Variants in ZNF365 observed in about 807,000 individuals in gnomAD.
ZNF365 encodes protein ZNF365.
A neutral mutation model predicts 35.0 loss-of-function variants in ZNF365; 22 were observed. The ratio of observed to expected loss-of-function variants is 0.63; its 90% CI spans 0.45 to 0.90. ZNF365 has a LOEUF of 0.90. Among genes scored for constraint, ZNF365 ranks in the 40% least tolerant of loss-of-function variants. The pLI is 0.00. For missense variants in ZNF365, 448 were observed against 500.3 expected (o/e 0.90, Z 1.00); for synonymous variants, 188 against 196.2 (o/e 0.96, Z 0.35).
At chr10:62,410,903 A>G (rs965249236) in intron 3 of ZNF365, among the ~76,000 whole-genome samples, 2 of 152,184 alleles carry the variant, frequency 1.3e-5, no homozygotes, top group African/African-American at 4.8e-5. Flanking sequence ...ACGGTGTAAA[A>G]GTGTTCCATT....
At chr10:62,378,683 C>A (rs2132408190) in intron 2 of ZNF365, among the ~76,000 whole-genome samples, 1 of 152,332 alleles carries the variant, frequency 6.6e-6, no homozygotes, top group East Asian at 1.9e-4. Flanking sequence ...TCCTTCCAGA[C>A]CTTTCCTGTG....
At chr10:62,477,454 G>C (rs959926482) in intron 4 of ZNF365, among the ~76,000 whole-genome samples, 1 of 152,082 alleles carries the variant, frequency 6.6e-6, no homozygotes, top group African/African-American at 2.4e-5. Flanking sequence ...TGTCACTGAG[G>C]GTTTAGTGCT....
At chr10:62,418,014 A>C (rs1840101606) in intron 3 of ZNF365, among the ~76,000 whole-genome samples, 1 of 152,066 alleles carries the variant, frequency 6.6e-6, no homozygotes, top group African/African-American at 2.4e-5. Flanking sequence ...ACCTTGTTTT[A>C]TGATTTTCAT....
chr10:62,442,692 G>T (rs10995157), intron 3 of ZNF365, among the ~76,000 whole-genome samples: 57,148 of 152,068 alleles, frequency 0.38, 13,219 homozygotes, highest in East Asian at 0.59. Context: ...CCTCCACATA[G>T]GCTATGGTGG....
At chr10:62,377,323 C>T (rs112463831) in intron 2 of ZNF365, among the ~76,000 whole-genome samples, 139 of 152,230 alleles carry the variant, frequency 9.1e-4, no homozygotes, top group African/African-American at 3.0e-3. Context: ...TGACAGTCTC[C>T]GTATTATAAA....
chr10:62,454,686 A>G (rs903167464), intron 3 of ZNF365, among the ~76,000 whole-genome samples: 1 of 151,654 alleles, frequency 6.6e-6, no homozygotes, highest in African/African-American at 2.4e-5. Context: ...TGCAGTGAAC[A>G]TTTACTATCT....
chr10:62,440,804 T>A (rs900168174), intron 3 of ZNF365, among the ~76,000 whole-genome samples: 20 of 152,306 alleles, frequency 1.3e-4, no homozygotes, highest in Middle Eastern at 3.4e-3. Context: ...CACTTGTGAT[T>A]TACTCACTTG....
intron 4 of ZNF365, among the ~76,000 whole-genome samples, chr10:62,475,536 T>G (rs1420860007): frequency 1.3e-5 from 2 of 152,234 alleles, no homozygotes; most frequent in Admixed American, 1.3e-4. Flanking sequence ...CATGCTACCT[T>G]GAAAGCAAAT....
chr10:62,375,830 G>A (rs1839314007), intron 1 of ZNF365: 1 of 215,640 alleles, frequency 4.6e-6, no homozygotes, highest in Admixed American at 5.2e-5. Context: ...CTTCTGTGGA[G>A]AGGGAATGTT....
At chr10:62,414,367 CT>C (rs5785524) in intron 3 of ZNF365, among the ~76,000 whole-genome samples, 94,682 of 149,572 alleles carry the variant, frequency 0.63, 30,359 homozygotes, top group East Asian at 0.84. Context: ...CTGACTAATT[CT>C]TTTTTTTTTT....
chr10:62,411,648 T>C (rs1269232266), intron 3 of ZNF365, among the ~76,000 whole-genome samples: 1 of 152,122 alleles, frequency 6.6e-6, no homozygotes, highest in Non-Finnish European at 1.5e-5. Context: ...TGTCTGTTTT[T>C]GTACCAGTAC....
chr10:62,381,631 G>A (rs1016687475), intron 2 of ZNF365, among the ~76,000 whole-genome samples: 1 of 152,126 alleles, frequency 6.6e-6, no homozygotes. Flanking sequence ...AATGTCAGCT[G>A]GCATCTGAGG....
At chr10:62,383,049 A>G (rs761733616) in intron 2 of ZNF365, among the ~76,000 whole-genome samples, 1 of 152,146 alleles carries the variant, frequency 6.6e-6, no homozygotes, top group Non-Finnish European at 1.5e-5. Context: ...TAGGTTACTC[A>G]TTGGTTTTAT....
exon 4 of ZNF365, chr10:62,459,748 A>G: frequency 6.2e-7 from 1 of 1,610,434 alleles, no homozygotes; most frequent in Non-Finnish European, 8.5e-7. Context: ...CAGAGCTGGA[A>G]AGGTGCTGGC....
intron 3 of ZNF365, among the ~76,000 whole-genome samples, chr10:62,450,316 A>G (rs1211995091): frequency 6.6e-6 from 1 of 152,198 alleles, no homozygotes; most frequent in Non-Finnish European, 1.5e-5. Flanking sequence ...TAATCATTCC[A>G]TACGTCGCGA....
At chr10:62,443,955 G>A (rs1264560153) in intron 3 of ZNF365, among the ~76,000 whole-genome samples, 3 of 152,186 alleles carry the variant, frequency 2.0e-5, no homozygotes, top group Non-Finnish European at 4.4e-5. Context: ...GCTTGACTGT[G>A]AGGAAAGGGG....
chr10:62,399,494 T>C, intron 4 of ZNF365, 34 bp from the exon 5 acceptor site: 2 of 1,603,244 alleles, frequency 1.2e-6, no homozygotes, highest in South Asian at 1.1e-5. Flanking sequence ...TTTCTGCTCA[T>C]CTCTTCTCCA....
At chr10:62,469,894 T>C (rs1166345374) in intron 4 of ZNF365, among the ~76,000 whole-genome samples, 1 of 152,204 alleles carries the variant, frequency 6.6e-6, no homozygotes, top group African/African-American at 2.4e-5. Flanking sequence ...GGAAATGATA[T>C]CACATTTCAA....
chr10:62,381,332 T>G (rs906763198), intron 2 of ZNF365, among the ~76,000 whole-genome samples: 1 of 152,180 alleles, frequency 6.6e-6, no homozygotes, highest in African/African-American at 2.4e-5. Flanking sequence ...CACACTCATT[T>G]TATACATGCA....
Sources: allele counts gnomAD v4.1 joint callset (sites outside exome capture counted in the v4.1 genomes callset), GRCh38; gene constraint gnomAD v4.1.1; transcripts MANE v1.5; gene names NCBI Gene and HGNC (gene_info 2026-07-23, HGNC 2026-07-21).